The following KMT2E variants were observed in gnomAD, a reference collection of about 807,000 sequenced individuals.
KMT2E encodes the protein lysine methyltransferase 2E (inactive).
A neutral mutation model predicts 184.6 loss-of-function variants in KMT2E; 30 were observed. The observed-to-expected ratio is 0.16, with a 90% CI of 0.12 to 0.22. The LOEUF is 0.22. Ranked by LOEUF, KMT2E falls within the 10% of genes least tolerant of loss-of-function variation. KMT2E has a pLI of 1.00. For synonymous variants in KMT2E, 815 were observed against 776.5 expected (o/e 1.05, Z -0.82); for missense variants, 2,023 against 2,237.4 (o/e 0.90, Z 1.93).
intron 15 of KMT2E, 49 bp from the exon 16 acceptor site, chr7:105,101,376 C>A (rs758776853): frequency 7.7e-7 from 1 of 1,295,014 alleles, no homozygotes; most frequent in Non-Finnish European, 1.0e-6. Context: ...CTTAATTTTA[C>A]TTTTGAGCAT....
rs188314881 is a variant in KMT2E, at chr7:105,029,298, G to T, written c.-188-8828G>T. Among the ~76,000 whole-genome samples, 459 of 152,268 alleles carry T rather than the reference G, an allele frequency of 3.0e-3. 2 individuals carry two copies. The highest frequency in any genetic ancestry group is 3.5e-3 in the Non-Finnish European group (235 of 68,014). On this transcript the variant is annotated intron_variant, in intron 1 of 26. Coordinates refer to ENST00000311117, the MANE Select transcript of KMT2E (RefSeq NM_182931.3). ...TGGATTGCCATAGGTCATTTCAGGT[G>T]TCATAAGAGCAATATAATTTTGTTC...
intron 6 of KMT2E, among the ~76,000 whole-genome samples, chr7:105,068,305 C>T (rs1232387597): frequency 6.6e-6 from 1 of 150,966 alleles, no homozygotes; most frequent in African/African-American, 2.4e-5. Context: ...ACTGTTTTGT[C>T]TTATCAGGTG....
intron 6 of KMT2E, among the ~76,000 whole-genome samples, chr7:105,068,624 G>GTT (rs77819480): frequency 0.011 from 1,247 of 112,020 alleles, 102 homozygotes; most frequent in African/African-American, 0.028. Context: ...ACTAGTTGTG[G>GTT]TTTTTTTTTT....
intron 12 of KMT2E, among the ~76,000 whole-genome samples, chr7:105,080,780 G>C (rs545545642): frequency 2.0e-5 from 3 of 152,328 alleles, no homozygotes; most frequent in Non-Finnish European, 4.4e-5. Flanking sequence ...GGAGGCCAAA[G>C]TGGGTGGATC....
At chr7:105,064,084 A>G in intron 5 of KMT2E, 1 of 430,568 alleles carries the variant, frequency 2.3e-6, no homozygotes, top group Non-Finnish European at 4.7e-6. Context: ...ACCCTGGTTC[A>G]GCCACCAAGA....
In KMT2E at chr7:105,077,032, T is replaced by G. The variant is rs1797558471; in HGVS notation, c.838T>G (p.Trp280Gly). Residue 280 changes from tryptophan (W) to glycine (G), a missense_variant, in exon 10 of 27, where the codon TGG (tryptophan) becomes GGG (glycine). By Grantham distance (184) the Trp-to-Gly change is radical (BLOSUM62 -2). Coordinates refer to ENST00000311117, the MANE Select transcript of KMT2E (RefSeq NM_182931.3). ...NFGWETKIKA[W>G]MDRYEEANNN... ...TGGATGGGAGACAAAGATCAAAGCA[T>G]GGATGGATCGATATGAAGAAGCAAA... 1 of 1,613,892 alleles carries G rather than the reference T, an allele frequency of 6.2e-7. No individual in the cohort carries two copies. The highest frequency in any genetic ancestry group is 8.5e-7 in the Non-Finnish European group (1 of 1,179,976).
chr7:105,052,728 TTTTTTTTTATTTTTTTA>T (rs1314026510), intron 3 of KMT2E, among the ~76,000 whole-genome samples: 4 of 151,606 alleles, frequency 2.6e-5, no homozygotes, highest in Non-Finnish European at 5.9e-5. Flanking sequence ...CCAGCTAATT[TTTTTTTTTATTTTTTTA>T]TTTTTTTTAT....
intron 3 of KMT2E, among the ~76,000 whole-genome samples, chr7:105,059,987 T>TTG (rs1796739672): frequency 3.1e-5 from 2 of 63,910 alleles, no homozygotes; most frequent in South Asian, 1.2e-3. Context: ...TGTTTTTTTT[T>TTG]TTTTTTTTTT....
intron 9 of KMT2E, 44 bp from the exon 10 acceptor site, chr7:105,076,910 GTGTGTGTGT>G: frequency 1.2e-6 from 1 of 839,996 alleles, no homozygotes; most frequent in Non-Finnish European, 2.0e-6. Flanking sequence ...GTGTGTGTGT[GTGTGTGTGT>G]AAGTCCGTAA....
chr7:105,105,955 GGTGAAA>G lies in KMT2E; in HGVS notation c.2549_2554del (p.Gly850_Asn852delinsAsp). ...AAGATCCAGAAGTCCTGCAGTCAAT[GGTGAAA>G]ATAAAAGTCCACTACTATTAAATGA... On this transcript the variant is annotated inframe_deletion, in exon 19 of 27. Coordinates refer to ENST00000311117, the MANE Select transcript of KMT2E (RefSeq NM_182931.3). 6.2e-7 allele frequency: 1 copy of G among 1,613,238 alleles called. No individual in the cohort carries two copies. The highest frequency in any genetic ancestry group is 8.5e-7 in the Non-Finnish European group (1 of 1,179,696).
intron 1 of KMT2E, among the ~76,000 whole-genome samples, chr7:105,014,942 G>C (rs1208771848): frequency 6.6e-6 from 1 of 152,140 alleles, no homozygotes; most frequent in Admixed American, 6.5e-5. Flanking sequence ...GTCTTGTTCA[G>C]GTGCTGAAAA....
At position 105,112,972 on chromosome 7, in the gene KMT2E, T is replaced by C; in HGVS notation, c.5216T>C (p.Leu1739Ser). The C allele has an allele frequency of 5.0e-6, 8 of 1,614,026 alleles. No individual in the cohort carries two copies. The highest frequency in any genetic ancestry group is 2.2e-5 in the East Asian group (1 of 44,872). The change falls in exon 27 of 27, where the codon TTA (leucine) becomes TCA (serine). Residue 1739 changes from leucine to serine, a missense_variant. Transcript: ENST00000311117. ...SGHHTTSAQA[L>S]HHPPHQGPPL... is the part of the protein sequence containing the mutation. Reference sequence around the variant, plus strand: ...CATCATACCACATCAGCTCAAGCCTTACACCACCCACCTCATCAAGGACCT... The same window carrying C: ...CATCATACCACATCAGCTCAAGCCTCACACCACCCACCTCATCAAGGACCT...
intron 14 of KMT2E, among the ~76,000 whole-genome samples, 157 bp from the exon 15 acceptor site, chr7:105,091,059 C>T (rs1007719626): frequency 6.6e-6 from 1 of 152,088 alleles, no homozygotes; most frequent in Non-Finnish European, 1.5e-5. Flanking sequence ...TGAAAAGTAT[C>T]TTGAATTAGG....
At chr7:105,037,890 T>A (rs997718177) in intron 1 of KMT2E, among the ~76,000 whole-genome samples, 5 of 152,182 alleles carry the variant, frequency 3.3e-5, no homozygotes, top group African/African-American at 1.2e-4. Context: ...AATATTAAAT[T>A]TAATATTGTA....
intron 1 of KMT2E, among the ~76,000 whole-genome samples, chr7:105,023,446 A>AT (rs768807801): frequency 0.11 from 13,979 of 129,268 alleles, 1,543 homozygotes; most frequent in African/African-American, 0.26. Flanking sequence ...TCATTAAGCA[A>AT]TTTTTTTTTT....
At chr7:105,024,617 C>T (rs1425574597) in intron 1 of KMT2E, among the ~76,000 whole-genome samples, 7 of 152,154 alleles carry the variant, frequency 4.6e-5, no homozygotes, top group African/African-American at 1.4e-4. Flanking sequence ...TTAGTACTGG[C>T]TCCAGCTCAT....
At chr7:105,088,931 A>G (rs1372948447) in intron 13 of KMT2E, among the ~76,000 whole-genome samples, 1 of 152,232 alleles carries the variant, frequency 6.6e-6, no homozygotes, top group African/African-American at 2.4e-5. Context: ...TGTTGCTATC[A>G]TTCTTTAAAG....
chr7:105,053,090 T>C (rs1205498523), intron 3 of KMT2E, among the ~76,000 whole-genome samples: 1 of 152,202 alleles, frequency 6.6e-6, no homozygotes, highest in Non-Finnish European at 1.5e-5. Context: ...CATATATAAA[T>C]AGTCTTTAAA....
At chr7:105,106,977 T>C (rs939792429) in intron 20 of KMT2E, among the ~76,000 whole-genome samples, 189 bp from the exon 21 acceptor site, 66 of 152,224 alleles carry the variant, frequency 4.3e-4, no homozygotes, top group African/African-American at 1.6e-3. Context: ...CTTGTTGATA[T>C]ACACAGTAGA....
Sources: gnomAD v4.1 joint callset for allele counts (sites outside exome capture counted in the v4.1 genomes callset) on GRCh38, gnomAD v4.1.1 for gene constraint, MANE v1.5 for transcripts, NCBI Gene and HGNC (gene_info 2026-07-23, HGNC 2026-07-21) for gene names.